The following UBE2D1 variants were observed in gnomAD, a reference collection of about 807,000 sequenced individuals.
The protein encoded by UBE2D1 is ubiquitin-conjugating enzyme E2 D1.
In UBE2D1, 9 loss-of-function variants were observed where a neutral mutation model predicts 24.6. That is an observed-to-expected ratio of 0.37 (90% CI 0.22 to 0.64). UBE2D1 has a LOEUF of 0.64. UBE2D1 is among the 30% of genes least tolerant of loss of function. The probability of loss-of-function intolerance (pLI) is 0.64; values close to 1 mark genes in which losing one functional copy is unlikely to be tolerated. For missense variants in UBE2D1, 87 were observed against 177.1 expected, an observed-to-expected ratio of 0.49 and a Z score of 2.89; for synonymous variants, 57 against 57.6, an observed-to-expected ratio of 0.99 and a Z score of 0.04.
intron 1 of UBE2D1, among the ~76,000 whole-genome samples, chr10:58,340,978 CA>C (rs1839955788): frequency 1.3e-5 from 2 of 152,156 alleles, no homozygotes; most frequent in African/African-American, 4.8e-5. Context: ...AAGACCTTGG[CA>C]TATTTGATCA....
At chr10:58,367,663 A>G (rs1840271378) in intron 5 of UBE2D1, among the ~76,000 whole-genome samples, 1 of 152,136 alleles carries the variant, frequency 6.6e-6, no homozygotes. Context: ...ACATTTTTTT[A>G]AATAAATGGG....
At chr10:58,341,474 T>C (rs1478702320) in intron 1 of UBE2D1, among the ~76,000 whole-genome samples, 2 of 152,324 alleles carry the variant, frequency 1.3e-5, no homozygotes, top group East Asian at 3.9e-4. Context: ...TTGTCCTTGA[T>C]ACTGTATTTT....
At chr10:58,361,152 T>C (rs1220394541) in intron 1 of UBE2D1, among the ~76,000 whole-genome samples, 186 bp from the exon 2 acceptor site, 2 of 152,206 alleles carry the variant, frequency 1.3e-5, no homozygotes, top group Non-Finnish European at 1.5e-5. Context: ...TGAAGCTGTC[T>C]CATGGAGGAA....
rs1840285018 is a variant in UBE2D1 at position 58,368,837 on chromosome 10, G to T, written c.*72G>T. 3 of 1,035,516 alleles carry T rather than the reference G, an allele frequency of 2.9e-6. No individual in the cohort carries two copies. Among genetic ancestry groups the T allele is most frequent in the South Asian group, 1.6e-5 (1 of 61,616 alleles). The allele number at this position is 1,035,516 out of a possible 1,614,324, so 64.1% of individuals were successfully genotyped here. On this transcript the variant is annotated 3_prime_UTR_variant, in exon 7 of 7. Coordinates refer to ENST00000373910, the MANE Select transcript of UBE2D1 (RefSeq NM_003338.5). The stretch of plus-strand genomic sequence containing the variant: ...TTTTTTTCAACATTAGCAGTAAATT[G>T]AGCACTGTTTACTGTTTCATTGTAC...
At chr10:58,348,377 A>G (rs1327724582) in intron 1 of UBE2D1, among the ~76,000 whole-genome samples, 4 of 152,246 alleles carry the variant, frequency 2.6e-5, no homozygotes, top group Non-Finnish European at 4.4e-5. Flanking sequence ...GACAAACCAA[A>G]TACAGCTTAT....
intron 5 of UBE2D1, among the ~76,000 whole-genome samples, chr10:58,367,551 A>G (rs1840269988): frequency 6.6e-6 from 1 of 152,196 alleles, no homozygotes; most frequent in Admixed American, 6.5e-5. Flanking sequence ...AAAAGAGTGT[A>G]TGAGCACAGT....
At chr10:58,367,109 G>A (rs1325281664) in intron 5 of UBE2D1, among the ~76,000 whole-genome samples, 2 of 152,080 alleles carry the variant, frequency 1.3e-5, no homozygotes, top group Admixed American at 6.6e-5. Flanking sequence ...AGTCAACTCT[G>A]CTCTATAAAT....
At chr10:58,336,547 T>C (rs1290744722) in intron 1 of UBE2D1, among the ~76,000 whole-genome samples, 3 of 152,220 alleles carry the variant, frequency 2.0e-5, no homozygotes, top group Admixed American at 6.5e-5. Flanking sequence ...TTAAAGGTCA[T>C]CTCATTGTAA....
chr10:58,370,048 CT>C lies in UBE2D1; in HGVS notation c.*1298del, dbSNP rs201608334. 0.12 allele frequency: 17,528 copies of C among 141,660 alleles called. 1,953 individuals are homozygous for C. The highest frequency in any genetic ancestry group is 0.31 in the African/African-American group (12,240 of 39,558). 8.8% of individuals were successfully genotyped at this position (141,660 alleles called of 1,614,324 possible). A position where few individuals can be genotyped will look rare whatever the true frequency, so the allele number is the denominator to read the frequency against. ...TTTAATGCCATCACAATTTGAAAAA[CT>C]TTTTTTTTTTTTTTACTATAGAAGT... On this transcript the variant is annotated 3_prime_UTR_variant, in exon 7 of 7. Coordinates refer to ENST00000373910, the MANE Select transcript of UBE2D1 (RefSeq NM_003338.5).
chr10:58,364,112 G>T (rs919911059), intron 4 of UBE2D1, among the ~76,000 whole-genome samples: 23 of 151,804 alleles, frequency 1.5e-4, no homozygotes, highest in African/African-American at 5.6e-4. Flanking sequence ...AAGTAAATAT[G>T]AAGCAGTCCC....
At chr10:58,352,692 C>T (rs1485272165) in intron 1 of UBE2D1, among the ~76,000 whole-genome samples, 2 of 152,160 alleles carry the variant, frequency 1.3e-5, no homozygotes, top group Non-Finnish European at 2.9e-5. Flanking sequence ...AGGAAGTAAA[C>T]TCTGAGGCAA....
chr10:58,346,098 C>T (rs976238167), intron 1 of UBE2D1, among the ~76,000 whole-genome samples: 5 of 151,784 alleles, frequency 3.3e-5, no homozygotes, highest in Non-Finnish European at 7.4e-5. Flanking sequence ...GCAACCTCTG[C>T]CTCCCAGGTT....
chr10:58,357,722 C>T (rs546717872), intron 1 of UBE2D1, among the ~76,000 whole-genome samples: 7 of 152,214 alleles, frequency 4.6e-5, no homozygotes, highest in African/African-American at 1.7e-4. Context: ...TATTTCCAGA[C>T]ACATGGATTG....
chr10:58,337,049 C>T (rs1265114699), intron 1 of UBE2D1, among the ~76,000 whole-genome samples: 1 of 152,028 alleles, frequency 6.6e-6, no homozygotes, highest in Non-Finnish European at 1.5e-5. Flanking sequence ...AATCACCATG[C>T]TGAACTAGTG....
chr10:58,346,051 C>G (rs1387680056), intron 1 of UBE2D1, among the ~76,000 whole-genome samples: 1 of 151,152 alleles, frequency 6.6e-6, no homozygotes, highest in Admixed American at 6.6e-5. Flanking sequence ...CACTCTGTCA[C>G]CCAGGCTGGA....
At chr10:58,359,547 C>T (rs369678582) in intron 1 of UBE2D1, among the ~76,000 whole-genome samples, 2 of 152,120 alleles carry the variant, frequency 1.3e-5, no homozygotes, top group South Asian at 4.1e-4. Flanking sequence ...ATTACAGATT[C>T]AACATATCTA....
chr10:58,353,629 A>G (rs1840100358), intron 1 of UBE2D1, among the ~76,000 whole-genome samples: 1 of 152,206 alleles, frequency 6.6e-6, no homozygotes, highest in African/African-American at 2.4e-5. Context: ...AGAATATATA[A>G]TACATTCTGT....
intron 1 of UBE2D1, among the ~76,000 whole-genome samples, chr10:58,352,566 T>A (rs1484473631): frequency 1.3e-5 from 2 of 151,790 alleles, no homozygotes; most frequent in Non-Finnish European, 2.9e-5. Context: ...CTGGGCAACA[T>A]AAGGAGACCC....
At position 58,340,800 on chromosome 10, in the gene UBE2D1, C is replaced by G. The variant is rs1839953840; in HGVS notation, c.24+5575C>G. Among the ~76,000 whole-genome samples, 7 of 152,122 alleles carry G rather than the reference C, an allele frequency of 4.6e-5. No homozygotes were observed. In the South Asian group the frequency reaches 1.5e-3, roughly 32 times the overall value. ...GCAAGCAAAATTAAATTTAATGTGT[C>G]TTATGTAATTCCATATTCTTAACCA... On this transcript the variant is annotated intron_variant, in intron 1 of 6. Coordinates refer to ENST00000373910, the MANE Select transcript of UBE2D1 (RefSeq NM_003338.5).
Sources: gnomAD v4.1 joint callset for allele counts (sites outside exome capture counted in the v4.1 genomes callset) on GRCh38, gnomAD v4.1.1 for gene constraint, MANE v1.5 for transcripts, NCBI Gene and HGNC (gene_info 2026-07-23, HGNC 2026-07-21) for gene names.